Variants in HEYL observed in about 807,000 individuals in gnomAD.
HEYL encodes hairy/enhancer-of-split related with YRPW motif-like protein.
In HEYL, 12 loss-of-function variants were observed where a neutral mutation model predicts 18.6. The observed-to-expected ratio is 0.65, with a 90% CI of 0.41 to 1.05. HEYL has a LOEUF of 1.05. Ranked by LOEUF, HEYL falls within the 50% of genes least tolerant of loss-of-function variation. The pLI is 0.00. For missense variants in HEYL, 420 were observed against 444.7 expected (o/e 0.94, Z 0.50); for synonymous variants, 159 against 179.6 (o/e 0.89, Z 0.91).
intron 1 of HEYL, among the ~76,000 whole-genome samples, chr1:39,638,416 C>T (rs2124124990): frequency 6.6e-6 from 1 of 152,290 alleles, no homozygotes; most frequent in East Asian, 1.9e-4. Context: ...ATGATCATGC[C>T]ACTGCACTCC....
At position 39,624,688 on chromosome 1, in the gene HEYL, C is replaced by T. The variant is rs190986521; in HGVS notation, c.*1819G>A. 1.8e-3 allele frequency: 270 copies of T among 152,498 alleles called. No homozygotes were observed. Among genetic ancestry groups the T allele is most frequent in the Non-Finnish European group, 2.8e-3 (194 of 68,202 alleles). 9.4% of individuals were successfully genotyped at this position (152,498 alleles called of 1,614,324 possible). On this transcript the variant is annotated 3_prime_UTR_variant, in exon 5 of 5. Coordinates refer to ENST00000372852, the MANE Select transcript of HEYL (RefSeq NM_014571.4). ...CCACAGTCTCCCCTCTGCCTCCCTC[C>T]GGAGCACTCCCTGCCAATGACCCAC...
At chr1:39,638,226 C>T (rs1447606724) in intron 1 of HEYL, among the ~76,000 whole-genome samples, 5 of 152,222 alleles carry the variant, frequency 3.3e-5, no homozygotes, top group Admixed American at 6.5e-5. Context: ...GGATTTGAGA[C>T]TGAGGCAGGA....
At chr1:39,634,852 G>C (rs1236908165) in intron 1 of HEYL, among the ~76,000 whole-genome samples, 2 of 152,218 alleles carry the variant, frequency 1.3e-5, no homozygotes, top group Non-Finnish European at 2.9e-5. Flanking sequence ...TACTCAGCAA[G>C]GGCTTGGAAT....
intron 1 of HEYL, chr1:39,633,316 C>T (rs374627061): frequency 6.4e-6 from 1 of 156,594 alleles, no homozygotes. Context: ...GGCCTCTCCT[C>T]CCACTCCGGG....
At chr1:39,631,406 G>C in intron 3 of HEYL, 90 bp downstream of exon 3, 1 of 1,046,066 alleles carries the variant, frequency 9.6e-7, no homozygotes, top group Non-Finnish European at 1.5e-6. Context: ...TCAGGCAGCT[G>C]CTACCAATCA....
At chr1:39,628,281 C>G (rs544594896) in intron 4 of HEYL, among the ~76,000 whole-genome samples, 1 of 152,232 alleles carries the variant, frequency 6.6e-6, no homozygotes, top group South Asian at 2.1e-4. Context: ...TTCTTTTTTT[C>G]TTTTTTTATT....
intron 2 of HEYL, among the ~76,000 whole-genome samples, chr1:39,631,907 G>A (rs1056626927): frequency 2.6e-5 from 4 of 152,244 alleles, no homozygotes; most frequent in African/African-American, 9.6e-5. Flanking sequence ...GGCCCTGGAG[G>A]CCCGTGCTGG....
chr1:39,630,152 A>C, intron 4 of HEYL, 75 bp downstream of exon 4: 1 of 1,312,530 alleles, frequency 7.6e-7, no homozygotes, highest in South Asian at 1.2e-5. Flanking sequence ...GACTTTGCTC[A>C]CCAGCATATC....
intron 3 of HEYL, among the ~76,000 whole-genome samples, chr1:39,630,778 G>GACC (rs1443481373): frequency 3.3e-5 from 5 of 152,320 alleles, no homozygotes; most frequent in African/African-American, 1.2e-4. Flanking sequence ...CTTATCCCCA[G>GACC]ACCACTTGTT....
chr1:39,626,668 G>T lies in HEYL; in HGVS notation c.826C>A (p.Leu276Met). ...GGGGGTGTTGGGGAGGAAGACTGCA[G>T]GAGGGGAGCGATGTGGCTGCTCCTG... The part of the protein sequence containing the change: ...AARSSHIAPL[L>M]QSSSPTPPGP... The change falls in exon 5 of 5, where the codon CTG becomes ATG. Residue 276 changes from leucine to methionine, a missense_variant. Coordinates refer to ENST00000372852, the MANE Select transcript of HEYL (RefSeq NM_014571.4). 1 of 1,521,664 alleles carries T rather than the reference G, an allele frequency of 6.6e-7. No individual in the cohort carries two copies. Among genetic ancestry groups the T allele is most frequent in the Non-Finnish European group, 8.8e-7 (1 of 1,134,016 alleles). The allele number at this position is 1,521,664 out of a possible 1,614,324, so 94.3% of individuals were successfully genotyped here.
chr1:39,627,015 ATCTC>A lies in HEYL; in HGVS notation c.475_478del (p.Glu159TrpfsTer30). The A allele has an allele frequency of 6.2e-7, 1 of 1,614,044 alleles. No individual in the cohort carries two copies. Among genetic ancestry groups the A allele is most frequent in the Non-Finnish European group, 8.5e-7 (1 of 1,180,018 alleles). On this transcript the variant is annotated frameshift_variant, in exon 5 of 5. Coordinates refer to ENST00000372852, the MANE Select transcript of HEYL (RefSeq NM_014571.4). LOFTEE classifies it low-confidence loss of function (END_TRUNC). ...GCCAGTGGGCGTGGGCGAAGGCTCC[ATCTC>A]GGCTGCGTAGCTGTTGAGGTGGGAG...
chr1:39,629,044 G>A (rs1175944976), intron 4 of HEYL, among the ~76,000 whole-genome samples: 1 of 152,124 alleles, frequency 6.6e-6, no homozygotes, highest in African/African-American at 2.4e-5. Flanking sequence ...TTTGTCTAAG[G>A]TCATACGGCT....
In HEYL at chr1:39,631,514, G is replaced by T; in HGVS notation, c.213C>A (p.Pro71=). ...SSLSELRRLV[P]TAFEKQGSSK... ...CACATACCTGTTTCTCAAAGGCAGT[G>T]GGGACCAAGCGTCGCAATTCAGAAA... Residue 71 remains proline, a synonymous_variant, in exon 3 of 5, where the codon CCC becomes CCA. Transcript: ENST00000372852. 1 of 1,614,056 alleles carries T rather than the reference G, an allele frequency of 6.2e-7. No homozygotes were observed.
At position 39,627,199 on chromosome 1, in the gene HEYL, TGAA is replaced by T; in HGVS notation, c.314-22_314-20del. On this transcript the variant is annotated intron_variant, in intron 4 of 4. Coordinates refer to ENST00000372852, the MANE Select transcript of HEYL (RefSeq NM_014571.4). The stretch of plus-strand genomic sequence containing the variant: ...AAGAATCCTGCAAAGGGAGGCGTGA[TGAA>T]GGTCATGCCAGGTGTGGGGAGAAGC... 1 of 1,600,072 alleles carries T rather than the reference TGAA, an allele frequency of 6.2e-7. No individual in the cohort carries two copies. The highest frequency in any genetic ancestry group is 8.5e-7 in the Non-Finnish European group (1 of 1,170,800).
chr1:39,638,543 A>G (rs953249124), intron 1 of HEYL, among the ~76,000 whole-genome samples: 1 of 152,240 alleles, frequency 6.6e-6, no homozygotes, highest in African/African-American at 2.4e-5. Flanking sequence ...GATGAAGTAT[A>G]TCCCTTTCTT....
chr1:39,632,793 G>A (rs1400692946), intron 1 of HEYL, 78 bp from the exon 2 acceptor site: 10 of 1,588,944 alleles, frequency 6.3e-6, no homozygotes, highest in African/African-American at 1.4e-5. Context: ...GGGCCAGGAG[G>A]AGCCACAGGC....
intron 1 of HEYL, among the ~76,000 whole-genome samples, chr1:39,634,990 ACAAGGGTCCCAGCC>A (rs760295706): frequency 3.0e-4 from 46 of 152,172 alleles, no homozygotes; most frequent in South Asian, 4.1e-4. Flanking sequence ...ATGACTTAAC[ACAAGGGTCCCAGCC>A]CAAGGGTCCC....
At chr1:39,632,830 C>T in intron 1 of HEYL, 115 bp from the exon 2 acceptor site, 2 of 1,532,558 alleles carry the variant, frequency 1.3e-6, no homozygotes, top group Non-Finnish European at 1.7e-6. Flanking sequence ...AGCTTGCTCT[C>T]CCCTTCTTCC....
At chr1:39,634,606 A>T (rs1301125777) in intron 1 of HEYL, among the ~76,000 whole-genome samples, 1 of 152,164 alleles carries the variant, frequency 6.6e-6, no homozygotes, top group African/African-American at 2.4e-5. Flanking sequence ...CATAACTTCT[A>T]CAACCCATCA....
Sources: allele counts gnomAD v4.1 joint callset (sites outside exome capture counted in the v4.1 genomes callset), GRCh38; gene constraint gnomAD v4.1.1; transcripts MANE v1.5; gene names NCBI Gene and HGNC (gene_info 2026-07-23, HGNC 2026-07-21).